The following CACHD1 variants were observed in gnomAD, a reference collection of about 807,000 sequenced individuals.
The protein encoded by CACHD1 is cache domain containing 1, also known as VWFA and cache domain-containing protein 1.
CACHD1 carries 71 observed loss-of-function variants against 138.7 expected under a neutral mutation model. That is an observed-to-expected ratio of 0.51 (90% CI 0.42 to 0.62). The LOEUF is 0.62. CACHD1 is among the 20% of genes least tolerant of loss of function. The probability of loss-of-function intolerance (pLI) is 0.00; values close to 1 mark genes in which losing one functional copy is unlikely to be tolerated. For missense variants in CACHD1, 1,389 were observed against 1,625.3 expected (o/e 0.85, Z 2.50); for synonymous variants, 578 against 591.5 (o/e 0.98, Z 0.33).
At chr1:64,572,907 T>C (rs1239021512) in intron 2 of CACHD1, among the ~76,000 whole-genome samples, 1 of 152,232 alleles carries the variant, frequency 6.6e-6, no homozygotes, top group Non-Finnish European at 1.5e-5. Flanking sequence ...AAATTCAGAC[T>C]GGCCCTACTG....
intron 1 of CACHD1, among the ~76,000 whole-genome samples, chr1:64,527,757 G>A (rs887946259): frequency 6.6e-6 from 1 of 152,002 alleles, no homozygotes; most frequent in South Asian, 2.1e-4. Context: ...TTTATTTTTT[G>A]TAGTAGGGGT....
intron 2 of CACHD1, among the ~76,000 whole-genome samples, chr1:64,576,651 A>G (rs1357064612): frequency 6.6e-6 from 1 of 152,186 alleles, no homozygotes; most frequent in Non-Finnish European, 1.5e-5. Context: ...TGTATGCTCC[A>G]TATGCCTCAG....
At chr1:64,605,758 C>G (rs933141565) in intron 4 of CACHD1, among the ~76,000 whole-genome samples, 3 of 152,160 alleles carry the variant, frequency 2.0e-5, no homozygotes, top group Admixed American at 2.0e-4. Context: ...GGGCCTCATC[C>G]TCATTGCCTT....
intron 2 of CACHD1, among the ~76,000 whole-genome samples, chr1:64,553,690 A>G (rs1408275101): frequency 3.3e-5 from 5 of 152,226 alleles, no homozygotes; most frequent in Non-Finnish European, 7.3e-5. Context: ...AGGCCCTTGT[A>G]TGACCTTCCA....
intron 3 of CACHD1, among the ~76,000 whole-genome samples, chr1:64,597,524 G>GTTTTTTTTTTTTTTTTTT (rs34162933): frequency 1.2e-5 from 1 of 80,400 alleles, no homozygotes; most frequent in Non-Finnish European, 2.4e-5. Context: ...TTTTTTTGTT[G>GTTTTTTTTTTTTTTTTTT]TTTTTTTTTT....
intron 1 of CACHD1, among the ~76,000 whole-genome samples, chr1:64,512,555 CA>C (rs1362167947): frequency 3.3e-5 from 5 of 152,070 alleles, no homozygotes; most frequent in Non-Finnish European, 7.4e-5. Flanking sequence ...GACAAAATAA[CA>C]GTCTGCAGGT....
At chr1:64,480,886 C>CTTTTTTTTTTTTTTTTTTTTTTTTT (rs530847374) in intron 1 of CACHD1, among the ~76,000 whole-genome samples, 8 of 140,582 alleles carry the variant, frequency 5.7e-5, no homozygotes, top group African/African-American at 1.8e-4. Context: ...CTCTCTCTCC[C>CTTTTTTTTTTTTTTTTTTTTTTTTT]TTTTTTTTTT....
chr1:64,681,541 G>GTTTTTTT (rs57993424), intron 25 of CACHD1, among the ~76,000 whole-genome samples: 103 of 68,096 alleles, frequency 1.5e-3, no homozygotes, highest in African/African-American at 2.2e-3. Context: ...ATTTTATTGT[G>GTTTTTTT]TTTTTTTTTT....
intron 3 of CACHD1, among the ~76,000 whole-genome samples, chr1:64,587,846 CT>C (rs1647063298): frequency 6.6e-6 from 1 of 152,148 alleles, no homozygotes. Context: ...TATATCTGAT[CT>C]ACAGGCATAT....
chr1:64,665,095 T>C (rs531637202), intron 15 of CACHD1, among the ~76,000 whole-genome samples: 1 of 152,300 alleles, frequency 6.6e-6, no homozygotes, highest in African/African-American at 2.4e-5. Context: ...TTTTTTACTT[T>C]AATTTTCAAA....
In CACHD1 at chr1:64,562,073, C is replaced by T. The variant is rs150548400; in HGVS notation, c.261+11417C>T. ...TTCATTTAATTATTCTGGCTGCGCT[C>T]AAGATTTTTCTCTGCTTCCGTTTTC... On this transcript the variant is annotated intron_variant, in intron 2 of 26. Coordinates refer to ENST00000651257, the MANE Select transcript of CACHD1 (RefSeq NM_020925.4). 3.0e-4 allele frequency among the ~76,000 whole-genome samples: 45 copies of T among 152,164 alleles called. No individual in the cohort carries two copies. In the East Asian group the frequency reaches 8.3e-3, roughly 28 times the overall value.
chr1:64,517,573 C>T (rs1646467854), intron 1 of CACHD1, among the ~76,000 whole-genome samples: 1 of 151,980 alleles, frequency 6.6e-6, no homozygotes, highest in Admixed American at 6.6e-5. Context: ...ATTCTCTGGG[C>T]AGAGCTTGGC....
rs1650066288 is a variant in CACHD1, at chr1:64,678,434, T to C, written c.3244+124T>C. On this transcript the variant is annotated intron_variant, in intron 23 of 26. Transcript: ENST00000651257. ...GATTCCTTTGCTGGTAGTCTTTAGT[T>C]ACAAAACCAAGGCAGATAATTACCT... The C allele has an allele frequency of 2.9e-6, 3 of 1,028,048 alleles. No homozygotes were observed. In the South Asian group the frequency reaches 6.5e-5, roughly 22 times the overall value. The allele number at this position is 1,028,048 out of a possible 1,614,324, so 63.7% of individuals were successfully genotyped here. A position where few individuals can be genotyped will look rare whatever the true frequency, so the allele number is the denominator to read the frequency against.
intron 8 of CACHD1, among the ~76,000 whole-genome samples, chr1:64,645,953 A>G (rs1196512449): frequency 6.6e-6 from 1 of 152,114 alleles, no homozygotes; most frequent in East Asian, 1.9e-4. Context: ...TGGGAAATGT[A>G]GTTTCTAGCA....
rs1036616914 is a variant in CACHD1 at position 64,582,143 on chromosome 1, T to A, written c.262-13T>A. 6.2e-7 allele frequency: 1 copy of A among 1,613,384 alleles called. No individual in the cohort carries two copies. The highest frequency in any genetic ancestry group is 1.7e-5 in the Admixed American group (1 of 59,964). ...TGGACTTTCGATTTATTTTGCTCAC[T>A]GTCATCCCACAGCTAGCCAAAAAAA... On this transcript the variant is annotated splice_polypyrimidine_tract_variant and intron_variant, in intron 2 of 26. Transcript: ENST00000651257.
chr1:64,681,477 C>A, intron 25 of CACHD1, 142 bp downstream of exon 25: 1 of 488,990 alleles, frequency 2.0e-6, no homozygotes, highest in Non-Finnish European at 3.5e-6. Flanking sequence ...TGTTTTTTTC[C>A]ATCCTTTTTT....
chr1:64,494,028 G>T (rs1646292967), intron 1 of CACHD1, among the ~76,000 whole-genome samples: 1 of 152,216 alleles, frequency 6.6e-6, no homozygotes, highest in African/African-American at 2.4e-5. Context: ...ATGGGAGGGA[G>T]CGGTGGGACA....
chr1:64,571,960 G>T (rs546279776), intron 2 of CACHD1, among the ~76,000 whole-genome samples: 1 of 152,062 alleles, frequency 6.6e-6, no homozygotes, highest in African/African-American at 2.4e-5. Flanking sequence ...TTTGAAATGC[G>T]TCTATGTTAC....
intron 1 of CACHD1, among the ~76,000 whole-genome samples, chr1:64,500,708 C>A (rs1646332997): frequency 1.1e-5 from 1 of 91,686 alleles, no homozygotes; most frequent in African/African-American, 4.0e-5. Context: ...GTAGCAAGAC[C>A]TTGTCTCTTA....
Sources: gnomAD v4.1 joint callset for allele counts (sites outside exome capture counted in the v4.1 genomes callset) on GRCh38, gnomAD v4.1.1 for gene constraint, MANE v1.5 for transcripts, NCBI Gene and HGNC (gene_info 2026-07-23, HGNC 2026-07-21) for gene names.